RANBP17: variants seen among roughly 807,000 people sequenced by gnomAD.
RANBP17 encodes the protein ran-binding protein 17.
A neutral mutation model predicts 141.2 loss-of-function variants in RANBP17; 158 were observed. The observed-to-expected ratio is 1.12, with a 90% CI of 0.98 to 1.28. The LOEUF (loss-of-function observed/expected upper bound fraction) is 1.28. Ranked by LOEUF, RANBP17 falls within the 50% of genes most tolerant of loss-of-function variation. The pLI is 0.00. For synonymous variants in RANBP17, 430 were observed against 450.0 expected (o/e 0.96, Z 0.56); for missense variants, 1,438 against 1,290.7 (o/e 1.11, Z -1.75).
At chr5:171,130,837 T>C (rs945420408) in intron 14 of RANBP17, among the ~76,000 whole-genome samples, 1 of 152,244 alleles carries the variant, frequency 6.6e-6, no homozygotes, top group East Asian at 1.9e-4. Flanking sequence ...ACAAGTTATG[T>C]TGTGAAGATG....
At chr5:171,016,603 A>G (rs1040966869) in intron 14 of RANBP17, among the ~76,000 whole-genome samples, 25 of 152,028 alleles carry the variant, frequency 1.6e-4, no homozygotes, top group African/African-American at 6.0e-4. Context: ...TTACATATGT[A>G]TACGTGTGCC....
chr5:170,889,670 C>T (rs1769439782), intron 3 of RANBP17, among the ~76,000 whole-genome samples: 1 of 152,146 alleles, frequency 6.6e-6, no homozygotes, highest in South Asian at 2.1e-4. Flanking sequence ...ATTATTGTTA[C>T]TGTTATATAG....
intron 11 of RANBP17, among the ~76,000 whole-genome samples, chr5:170,920,655 G>T (rs2127438909): frequency 6.6e-6 from 1 of 151,846 alleles, no homozygotes; most frequent in South Asian, 2.1e-4. Context: ...GGGTACATGT[G>T]CACAATGTCT....
intron 14 of RANBP17, among the ~76,000 whole-genome samples, chr5:171,157,497 A>G (rs1758990192): frequency 6.6e-6 from 1 of 152,240 alleles, no homozygotes; most frequent in Non-Finnish European, 1.5e-5. Flanking sequence ...TGGACTCTTC[A>G]GTGATGAACA....
intron 14 of RANBP17, among the ~76,000 whole-genome samples, chr5:170,988,146 A>C (rs973346637): frequency 6.6e-6 from 1 of 151,336 alleles, no homozygotes; most frequent in Middle Eastern, 3.2e-3. Context: ...CTTTTTTTCT[A>C]CTTACTTTTA....
intron 24 of RANBP17, chr5:171,252,465 T>C: frequency 6.8e-7 from 1 of 1,476,216 alleles, no homozygotes; most frequent in South Asian, 1.1e-5. Context: ...GCTTAAGGGC[T>C]TTCAGCAACA....
At position 171,227,013 on chromosome 5, in the gene RANBP17, A is replaced by T. The variant is rs895145238; in HGVS notation, c.2422+5173A>T. 3.3e-5 allele frequency among the ~76,000 whole-genome samples: 5 copies of T among 152,096 alleles called. No individual in the cohort carries two copies. In the South Asian group the frequency reaches 1.0e-3, roughly 31 times the overall value. ...GACTGCTCTGCTTTGGCCATTCCCC[A>T]TCTCTTCCCTTCTCCTCCCCACTCC... On this transcript the variant is annotated intron_variant, in intron 22 of 27. Transcript: ENST00000523189.
chr5:170,958,238 A>C (rs1316706984), intron 13 of RANBP17, among the ~76,000 whole-genome samples: 1 of 152,050 alleles, frequency 6.6e-6, no homozygotes, highest in Non-Finnish European at 1.5e-5. Context: ...CACACTTCTT[A>C]GTTATGTTTC....
chr5:170,888,827 T>C (rs1191801553), intron 3 of RANBP17, among the ~76,000 whole-genome samples: 2 of 152,136 alleles, frequency 1.3e-5, no homozygotes, highest in African/African-American at 4.8e-5. Context: ...ATTTTAGCTG[T>C]AGGTTTTTTG....
intron 25 of RANBP17, among the ~76,000 whole-genome samples, chr5:171,272,753 A>C (rs949232347): frequency 6.6e-6 from 1 of 152,202 alleles, no homozygotes; most frequent in African/African-American, 2.4e-5. Flanking sequence ...GGTTTAAAGC[A>C]GTCATTCTAT....
intron 16 of RANBP17, among the ~76,000 whole-genome samples, chr5:171,172,625 G>A (rs1364640787): frequency 6.6e-6 from 1 of 151,134 alleles, no homozygotes; most frequent in Non-Finnish European, 1.5e-5. Context: ...TGCAAACTCT[G>A]GCCTTTTCAC....
intron 14 of RANBP17, among the ~76,000 whole-genome samples, chr5:171,095,166 C>T (rs1035955554): frequency 1.4e-4 from 22 of 152,150 alleles, no homozygotes; most frequent in Non-Finnish European, 2.1e-4. Context: ...CAACAGAAAA[C>T]GGACTAAGAG....
chr5:171,111,524 G>T (rs999622115), intron 14 of RANBP17, among the ~76,000 whole-genome samples: 2 of 151,976 alleles, frequency 1.3e-5, no homozygotes, highest in African/African-American at 2.4e-5. Context: ...AGCTGTTAGT[G>T]CAGTCTCTCT....
intron 25 of RANBP17, among the ~76,000 whole-genome samples, chr5:171,272,141 T>C (rs922938733): frequency 2.0e-5 from 3 of 152,034 alleles, no homozygotes; most frequent in African/African-American, 7.2e-5. Flanking sequence ...GAGCTAAACA[T>C]TGAGTACACA....
chr5:171,203,216 C>G lies in RANBP17; in HGVS notation c.2143-2308C>G, dbSNP rs909037928. 5.9e-5 allele frequency among the ~76,000 whole-genome samples: 9 copies of G among 152,208 alleles called. No homozygotes were observed. In the East Asian group the frequency reaches 1.7e-3, roughly 29 times the overall value. On this transcript the variant is annotated intron_variant, in intron 19 of 27. Coordinates refer to ENST00000523189, the MANE Select transcript of RANBP17 (RefSeq NM_022897.5). Reference sequence around the variant, plus strand: ...AACTTTTAAAATAAAACTCTTTGCACTATTTTAAATGAGATGGTAAACTGT... The same window carrying G: ...AACTTTTAAAATAAAACTCTTTGCAGTATTTTAAATGAGATGGTAAACTGT...
At chr5:170,979,967 T>C (rs1292905708) in intron 14 of RANBP17, among the ~76,000 whole-genome samples, 1 of 152,226 alleles carries the variant, frequency 6.6e-6, no homozygotes, top group Non-Finnish European at 1.5e-5. Context: ...TCCAAGAGAC[T>C]TATTGATTGG....
chr5:170,874,713 A>G (rs896386901), intron 1 of RANBP17, among the ~76,000 whole-genome samples: 11 of 150,812 alleles, frequency 7.3e-5, no homozygotes, highest in African/African-American at 1.7e-4. Context: ...TTTTGAGCCT[A>G]TGTATGTCTT....
At chr5:171,209,011 C>T (rs1762729546) in intron 20 of RANBP17, among the ~76,000 whole-genome samples, 1 of 152,154 alleles carries the variant, frequency 6.6e-6, no homozygotes, top group Admixed American at 6.5e-5. Flanking sequence ...CTACCCCAAA[C>T]AAAGTCAGTT....
chr5:171,227,859 A>G (rs1235807985), intron 22 of RANBP17, among the ~76,000 whole-genome samples: 2 of 152,194 alleles, frequency 1.3e-5, no homozygotes, highest in Non-Finnish European at 2.9e-5. Context: ...GTATAGCAAC[A>G]AAGACTGGAT....
Sources: allele counts gnomAD v4.1 joint callset (sites outside exome capture counted in the v4.1 genomes callset), GRCh38; gene constraint gnomAD v4.1.1; transcripts MANE v1.5; gene names NCBI Gene and HGNC (gene_info 2026-07-23, HGNC 2026-07-21).